The following BRINP2 variants were observed in gnomAD, a reference collection of about 807,000 sequenced individuals.
BRINP2 encodes the protein BMP/retinoic acid inducible neural specific 2, also known as BMP/retinoic acid-inducible neural-specific protein 2.
BRINP2 carries 21 observed loss-of-function variants against 69.2 expected under a neutral mutation model. The ratio of observed to expected loss-of-function variants is 0.30; its 90% CI spans 0.22 to 0.44. The LOEUF (loss-of-function observed/expected upper bound fraction) is 0.44, where lower values mean the gene tolerates loss of function less well. Ranked by LOEUF, BRINP2 falls within the 20% of genes least tolerant of loss-of-function variation. The probability of loss-of-function intolerance (pLI) is 1.00; values close to 1 mark genes in which losing one functional copy is unlikely to be tolerated. For synonymous variants in BRINP2, 380 were observed against 394.1 expected (o/e 0.96, Z 0.42); for missense variants, 877 against 986.0 (o/e 0.89, Z 1.48).
chr1:177,271,579 G>C lies in BRINP2; in HGVS notation c.670-1909G>C, dbSNP rs79709143. On this transcript the variant is annotated intron_variant, in intron 4 of 7. Coordinates refer to ENST00000361539, the MANE Select transcript of BRINP2 (RefSeq NM_021165.4). ...TGAACCTTACTTTCCTCCTTGGAGA[G>C]TGATAGTAATGAGATTTGTCCCAGA... 6.6e-5 allele frequency among the ~76,000 whole-genome samples: 10 copies of C among 152,326 alleles called. No homozygotes were observed. The East Asian group carries it at 1.5e-3, about 24-fold the overall frequency.
intron 5 of BRINP2, 96 bp from the exon 6 acceptor site, chr1:177,276,102 A>T: frequency 1.7e-6 from 2 of 1,184,588 alleles, no homozygotes; most frequent in Non-Finnish European, 2.5e-6. Context: ...TGCACAAGTC[A>T]GCAGAACTCC....
At chr1:177,277,987 G>C (rs1651554612) in intron 6 of BRINP2, among the ~76,000 whole-genome samples, 1 of 152,194 alleles carries the variant, frequency 6.6e-6, no homozygotes, top group African/African-American at 2.4e-5. Context: ...ATCTGTCCAA[G>C]AGCTGAAGCT....
intron 1 of BRINP2, among the ~76,000 whole-genome samples, chr1:177,227,683 T>C (rs1413691937): frequency 6.6e-6 from 1 of 152,186 alleles, no homozygotes; most frequent in Non-Finnish European, 1.5e-5. Flanking sequence ...ATGATTTTAT[T>C]TTTTATATTT....
In BRINP2 at chr1:177,278,439, G is replaced by A. The variant is rs564007408; in HGVS notation, c.1013-124G>A. ...TTTTAAAAAAGCACCCAGGGAAATG[G>A]GTGTGCAGCCTCCTTTCTCATGCAG... On this transcript the variant is annotated intron_variant, in intron 6 of 7. Coordinates refer to ENST00000361539, the MANE Select transcript of BRINP2 (RefSeq NM_021165.4). 6.4e-4 allele frequency: 521 copies of A among 818,064 alleles called. 7 individuals carry two copies. The South Asian group carries it at 7.9e-3, about 12-fold the overall frequency. The allele number at this position is 818,064 out of a possible 1,614,324, so 50.7% of individuals were successfully genotyped here.
At chr1:177,232,992 G>C (rs920359947) in intron 2 of BRINP2, among the ~76,000 whole-genome samples, 1 of 152,156 alleles carries the variant, frequency 6.6e-6, no homozygotes, top group Admixed American at 6.5e-5. Context: ...ATTTGGTGCA[G>C]AATCACTTGA....
At chr1:177,236,744 A>C (rs770250171) in intron 2 of BRINP2, among the ~76,000 whole-genome samples, 4 of 152,082 alleles carry the variant, frequency 2.6e-5, no homozygotes, top group African/African-American at 4.8e-5. Context: ...AGTGTAACCA[A>C]AGTCATGGGA....
At chr1:177,182,956 T>G (rs1487714043) in intron 1 of BRINP2, among the ~76,000 whole-genome samples, 8 of 151,952 alleles carry the variant, frequency 5.3e-5, no homozygotes, top group Non-Finnish European at 7.4e-5. Flanking sequence ...TGTTGTTGTT[T>G]TTCTTTTTTT....
chr1:177,197,078 A>C (rs1648768675), intron 1 of BRINP2, among the ~76,000 whole-genome samples: 1 of 152,156 alleles, frequency 6.6e-6, no homozygotes, highest in Non-Finnish European at 1.5e-5. Context: ...CATTGACATA[A>C]AGAAATACCT....
intron 1 of BRINP2, among the ~76,000 whole-genome samples, chr1:177,191,197 A>T (rs1207260388): frequency 1.3e-5 from 2 of 152,196 alleles, no homozygotes; most frequent in Non-Finnish European, 2.9e-5. Flanking sequence ...ATAAGTGGTG[A>T]TTTGCACATA....
At chr1:177,227,480 T>C (rs1649730749) in intron 1 of BRINP2, among the ~76,000 whole-genome samples, 2 of 152,252 alleles carry the variant, frequency 1.3e-5, no homozygotes, top group Admixed American at 1.3e-4. Flanking sequence ...TCAATTTATG[T>C]TTCTTCAATA....
intron 4 of BRINP2, among the ~76,000 whole-genome samples, chr1:177,267,296 T>C (rs1047909109): frequency 6.6e-6 from 1 of 152,232 alleles, no homozygotes; most frequent in South Asian, 2.1e-4. Context: ...ATTCTTTTTG[T>C]TTTTTGTTGA....
At chr1:177,255,392 A>G (rs1650723165) in intron 2 of BRINP2, among the ~76,000 whole-genome samples, 1 of 152,248 alleles carries the variant, frequency 6.6e-6, no homozygotes, top group South Asian at 2.1e-4. Context: ...GTAAATCTCA[A>G]TAGCTCTAAG....
chr1:177,175,139 C>A (rs1028576930), intron 1 of BRINP2, among the ~76,000 whole-genome samples: 1 of 152,208 alleles, frequency 6.6e-6, no homozygotes, highest in Non-Finnish European at 1.5e-5. Context: ...AATGCCAAAG[C>A]CCTTAGGCAT....
chr1:177,234,980 T>C (rs1018316780), intron 2 of BRINP2, among the ~76,000 whole-genome samples: 6 of 152,100 alleles, frequency 3.9e-5, no homozygotes, highest in African/African-American at 9.7e-5. Flanking sequence ...AGAAAGAATA[T>C]CTGGAATTCA....
intron 1 of BRINP2, among the ~76,000 whole-genome samples, chr1:177,197,596 C>T (rs1648784474): frequency 6.6e-6 from 1 of 152,122 alleles, no homozygotes; most frequent in Admixed American, 6.5e-5. Flanking sequence ...CTGTGGTAGG[C>T]CTTGATCTTG....
At chr1:177,204,785 A>G (rs574637543) in intron 1 of BRINP2, among the ~76,000 whole-genome samples, 9 of 152,310 alleles carry the variant, frequency 5.9e-5, no homozygotes, top group African/African-American at 2.2e-4. Flanking sequence ...CCTACCAACC[A>G]GTGATAATTA....
chr1:177,227,838 A>G (rs1278902091), intron 1 of BRINP2, among the ~76,000 whole-genome samples: 1 of 152,172 alleles, frequency 6.6e-6, no homozygotes, highest in African/African-American at 2.4e-5. Flanking sequence ...ATTCTATTGC[A>G]TTGATCTGCT....
At chr1:177,182,655 G>GA (rs1648295345) in intron 1 of BRINP2, among the ~76,000 whole-genome samples, 1 of 151,224 alleles carries the variant, frequency 6.6e-6, no homozygotes, top group South Asian at 2.1e-4. Context: ...AGTTTCGATG[G>GA]TTTTTTTTTG....
At chr1:177,266,185 C>A (rs1480471157) in intron 4 of BRINP2, among the ~76,000 whole-genome samples, 1 of 151,834 alleles carries the variant, frequency 6.6e-6, no homozygotes, top group Non-Finnish European at 1.5e-5. Flanking sequence ...AAGATTAATT[C>A]CTGTTCTTAA....
Sources: allele counts gnomAD v4.1 joint callset (sites outside exome capture counted in the v4.1 genomes callset), GRCh38; gene constraint gnomAD v4.1.1; transcripts MANE v1.5; gene names NCBI Gene and HGNC (gene_info 2026-07-23, HGNC 2026-07-21).